Variants in ADPGK observed in about 807,000 individuals in gnomAD.
ADPGK encodes the protein ADP dependent glucokinase.
Under a neutral mutation model 42.4 loss-of-function variants are expected in ADPGK, and 26 were observed. The ratio of observed to expected loss-of-function variants is 0.61; its 90% CI spans 0.45 to 0.85. The LOEUF (loss-of-function observed/expected upper bound fraction) is 0.85, where lower values mean the gene tolerates loss of function less well. Among genes scored for constraint, ADPGK ranks in the 40% least tolerant of loss-of-function variants. The pLI, the probability that ADPGK is intolerant of heterozygous loss-of-function variation, is 0.00. For synonymous variants in ADPGK, 267 were observed against 252.6 expected (o/e 1.06, Z -0.54); for missense variants, 571 against 627.0 (o/e 0.91, Z 0.95).
At chr15:72,760,830 A>G (rs184836398) in intron 3 of ADPGK, among the ~76,000 whole-genome samples, 1 of 152,154 alleles carries the variant, frequency 6.6e-6, no homozygotes, top group East Asian at 1.9e-4. Context: ...TGCGGACTGC[A>G]CGTTTGTGTC....
At chr15:72,772,606 G>T (rs1027989342) in intron 2 of ADPGK, among the ~76,000 whole-genome samples, 1 of 152,026 alleles carries the variant, frequency 6.6e-6, no homozygotes, top group South Asian at 2.1e-4. Context: ...TTGTCTGCTT[G>T]GGCTACTATC....
At chr15:72,779,055 C>G (rs982968501) in intron 1 of ADPGK, among the ~76,000 whole-genome samples, 3 of 152,130 alleles carry the variant, frequency 2.0e-5, no homozygotes, top group Admixed American at 6.5e-5. Context: ...CCAGATTTAT[C>G]TGATGATACT....
intron 2 of ADPGK, among the ~76,000 whole-genome samples, chr15:72,773,662 T>C (rs1275177483): frequency 2.0e-5 from 3 of 152,196 alleles, no homozygotes; most frequent in Admixed American, 2.0e-4. Context: ...GTGGTTTAAA[T>C]TCCGTAATCA....
In ADPGK at chr15:72,752,603, C is replaced by T. The variant is rs761981150; in HGVS notation, c.1232G>A (p.Gly411Glu). The T allele has an allele frequency of 7.4e-6, 12 of 1,614,082 alleles. No homozygotes were observed. Among genetic ancestry groups the T allele is most frequent in the Non-Finnish European group, 1.0e-5 (12 of 1,180,044 alleles). ...AAVAAGARVA[G>E]TQACATETID... Reference sequence around the variant, plus strand: ...GGTTTCTGTGGCGCAGGCCTGTGTCCCAGCCACACGAGCTCCTGCAGCCAC... The same window carrying T: ...GGTTTCTGTGGCGCAGGCCTGTGTCTCAGCCACACGAGCTCCTGCAGCCAC... The change falls in exon 7 of 7, where the codon GGG becomes GAG. Residue 411 changes from glycine to glutamate, a missense_variant. Physicochemically the swap from Gly to Glu is moderately conservative, Grantham distance 98. This residue lies in a region of ADPGK where 434 missense variants were observed against 522.7 expected (regional missense o/e 0.83). Coordinates refer to ENST00000456471, the MANE Select transcript of ADPGK (RefSeq NM_001365225.1).
chr15:72,766,181 G>A (rs1160682591), intron 3 of ADPGK, among the ~76,000 whole-genome samples: 1 of 151,954 alleles, frequency 6.6e-6, no homozygotes, highest in East Asian at 1.9e-4. Flanking sequence ...TTTAGAGATG[G>A]GGTCTCGCTA....
At position 72,756,124 on chromosome 15, in the gene ADPGK, C is replaced by T. The variant is rs779546454; in HGVS notation, c.840+127G>A. On this transcript the variant is annotated intron_variant, in intron 5 of 6. Coordinates refer to ENST00000456471, the MANE Select transcript of ADPGK (RefSeq NM_001365225.1). Reference sequence around the variant, plus strand: ...TCACTGCAGCAGGAGGCAAGCTCCACAGCCAGCTGCCAAGATATGTCCCTG... The same window carrying T: ...TCACTGCAGCAGGAGGCAAGCTCCATAGCCAGCTGCCAAGATATGTCCCTG... 7.6e-6 allele frequency: 9 copies of T among 1,189,948 alleles called. No homozygotes were observed. In the East Asian group the frequency reaches 1.5e-4, roughly 19 times the overall value. The allele number at this position is 1,189,948 out of a possible 1,614,324, so 73.7% of individuals were successfully genotyped here.
At chr15:72,764,355 G>A (rs1311515632) in intron 3 of ADPGK, among the ~76,000 whole-genome samples, 1 of 152,206 alleles carries the variant, frequency 6.6e-6, no homozygotes, top group African/African-American at 2.4e-5. Flanking sequence ...CTGATATGGA[G>A]AAAGTCTGAA....
chr15:72,779,312 G>C (rs1199286852), intron 1 of ADPGK, among the ~76,000 whole-genome samples: 1 of 144,634 alleles, frequency 6.9e-6, no homozygotes, highest in Admixed American at 7.2e-5. Context: ...GCAACGGCGC[G>C]ATCTCGGCTC....
intron 3 of ADPGK, among the ~76,000 whole-genome samples, chr15:72,761,278 C>A (rs1238607997): frequency 6.6e-6 from 1 of 152,172 alleles, no homozygotes; most frequent in Non-Finnish European, 1.5e-5. Context: ...ATGTTGTCTG[C>A]AACAAAGCTG....
chr15:72,774,658 G>A (rs2066368244), intron 2 of ADPGK, among the ~76,000 whole-genome samples: 1 of 152,094 alleles, frequency 6.6e-6, no homozygotes, highest in Admixed American at 6.5e-5. Flanking sequence ...CTGGTAGTAG[G>A]CCCAGAAATC....
intron 1 of ADPGK, among the ~76,000 whole-genome samples, chr15:72,778,110 G>A (rs1377911961): frequency 6.6e-6 from 1 of 152,030 alleles, no homozygotes; most frequent in African/African-American, 2.4e-5. Flanking sequence ...TTACCTGGGT[G>A]TGGTGGTGCA....
At chr15:72,770,026 C>T (rs1216025251) in intron 3 of ADPGK, among the ~76,000 whole-genome samples, 1 of 152,216 alleles carries the variant, frequency 6.6e-6, no homozygotes, top group Non-Finnish European at 1.5e-5. Context: ...ATACCTAGTT[C>T]TTAATCTCTG....
At chr15:72,766,850 CAA>C (rs1296148330) in intron 3 of ADPGK, among the ~76,000 whole-genome samples, 2 of 151,600 alleles carry the variant, frequency 1.3e-5, no homozygotes, top group Admixed American at 6.6e-5. Flanking sequence ...GAAAATAATC[CAA>C]AAGAGTACAG....
rs751603514 is a variant in ADPGK at position 72,783,552 on chromosome 15, G to A, written c.140C>T (p.Pro47Leu). The A allele has an allele frequency of 4.0e-6, 6 of 1,497,560 alleles. No homozygotes were observed. In the South Asian group the frequency reaches 7.5e-5, roughly 19 times the overall value. The allele number at this position is 1,497,560 out of a possible 1,614,324, so 92.8% of individuals were successfully genotyped here. Residue 47 changes from proline (P) to leucine (L), a missense_variant, in exon 1 of 7, where the codon CCC (proline) becomes CTC (leucine). Physicochemically the swap from Pro to Leu is moderately conservative, Grantham distance 98. Coordinates refer to ENST00000456471, the MANE Select transcript of ADPGK (RefSeq NM_001365225.1). ...SSLCLGPAPAPPGPVSPEGRL... is the reference protein window; with the variant it reads ...SSLCLGPAPALPGPVSPEGRL... ...GCCCTCGGGGGAGACGGGTCCCGGG[G>A]GCGCAGGCGCGGGCCCCAGACACAG...
At chr15:72,780,266 CCTT>C (rs1374700668) in intron 1 of ADPGK, among the ~76,000 whole-genome samples, 1 of 152,126 alleles carries the variant, frequency 6.6e-6, no homozygotes, top group Non-Finnish European at 1.5e-5. Flanking sequence ...AAGCAAGGCA[CCTT>C]CTTCTTAAGG....
intron 6 of ADPGK, among the ~76,000 whole-genome samples, chr15:72,754,074 T>TA (rs35459506): frequency 0.033 from 2,781 of 85,154 alleles, 44 homozygotes; most frequent in South Asian, 0.071. Context: ...AATATTACCA[T>TA]AAAAAAAAAA....
chr15:72,782,857 G>A (rs2066482190), intron 1 of ADPGK: 1 of 152,282 alleles, frequency 6.6e-6, no homozygotes, highest in African/African-American at 2.4e-5. Flanking sequence ...AAAGGAGGTA[G>A]TGTCATTTGG....
chr15:72,759,181 C>T (rs145822518), intron 4 of ADPGK, among the ~76,000 whole-genome samples: 43 of 152,308 alleles, frequency 2.8e-4, no homozygotes, highest in African/African-American at 1.0e-3. Context: ...TGTGATCCAC[C>T]CGCTTCAGCC....
At chr15:72,755,779 G>A in intron 5 of ADPGK, 125 bp from the exon 6 acceptor site, 4 of 725,248 alleles carry the variant, frequency 5.5e-6, no homozygotes, top group Non-Finnish European at 9.5e-6. Flanking sequence ...GCTCACGGGA[G>A]CTACAAGCAA....
Sources: gnomAD v4.1 joint callset for allele counts (sites outside exome capture counted in the v4.1 genomes callset) on GRCh38, gnomAD v4.1.1 for gene constraint, gnomAD v4.1.1 regional missense constraint, MANE v1.5 for transcripts, NCBI Gene and HGNC (gene_info 2026-07-23, HGNC 2026-07-21) for gene names.